EPB41L4B: variants seen among roughly 807,000 people sequenced by gnomAD.
EPB41L4B encodes band 4.1-like protein 4B.
In EPB41L4B, 30 loss-of-function variants were observed where a neutral mutation model predicts 112.5. The ratio of observed to expected loss-of-function variants is 0.27; its 90% CI spans 0.20 to 0.36. The LOEUF (loss-of-function observed/expected upper bound fraction) is 0.36, where lower values mean the gene tolerates loss of function less well. Among genes scored for constraint, EPB41L4B ranks in the 10% least tolerant of loss-of-function variants. The pLI, the probability that EPB41L4B is intolerant of heterozygous loss-of-function variation, is 1.00. For synonymous variants in EPB41L4B, 408 were observed against 439.7 expected, an observed-to-expected ratio of 0.93 and a Z score of 0.90; for missense variants, 1,024 against 1,133.3, an observed-to-expected ratio of 0.90 and a Z score of 1.38.
intron 2 of EPB41L4B, among the ~76,000 whole-genome samples, chr9:109,269,655 G>A (rs758165423): frequency 6.8e-4 from 104 of 152,244 alleles, no homozygotes; most frequent in African/African-American, 2.5e-3. Context: ...GGCAAGTAGG[G>A]ACTGTTCCCA....
chr9:109,177,688 TG>T (rs1316235344), intron 24 of EPB41L4B, among the ~76,000 whole-genome samples: 1 of 151,928 alleles, frequency 6.6e-6, no homozygotes, highest in Non-Finnish European at 1.5e-5. Context: ...CCGGGCACGC[TG>T]GCGCACGCCT....
chr9:109,204,001 T>C (rs147895376), intron 18 of EPB41L4B, among the ~76,000 whole-genome samples: 128 of 152,358 alleles, frequency 8.4e-4, no homozygotes, highest in Non-Finnish European at 1.4e-3. Context: ...TGCCAGCTCA[T>C]GCTTGAATTA....
At chr9:109,282,491 T>G (rs1013540931) in intron 1 of EPB41L4B, among the ~76,000 whole-genome samples, 1 of 152,150 alleles carries the variant, frequency 6.6e-6, no homozygotes, top group African/African-American at 2.4e-5. Flanking sequence ...ATAACAGAAC[T>G]GCAATATCAT....
At chr9:109,247,873 A>G in intron 13 of EPB41L4B, 84 bp from the exon 14 acceptor site, 1 of 1,127,980 alleles carries the variant, frequency 8.9e-7, no homozygotes, top group Non-Finnish European at 1.2e-6. Flanking sequence ...TTTAACAATC[A>G]TGAACTATTC....
In EPB41L4B at chr9:109,256,189, G is replaced by A; in HGVS notation, c.876C>T (p.Thr292=). Residue 292 remains threonine (T), a synonymous_variant, in exon 9 of 26, where the codon ACC becomes ACT. Coordinates refer to ENST00000374566, the MANE Select transcript of EPB41L4B (RefSeq NM_019114.5). The part of the protein sequence containing the change: ...RDGCEYSLGL[T]PTGILIFEGA... Reference sequence around the variant, plus strand: ...CTTCAAAGATTAATATGCCTGTCGGGGTCAGTCCAAGAGAATATTCACAGC... The same window carrying A: ...CTTCAAAGATTAATATGCCTGTCGGAGTCAGTCCAAGAGAATATTCACAGC... The A allele has an allele frequency of 6.2e-7, 1 of 1,614,100 alleles. No individual in the cohort carries two copies. Among genetic ancestry groups the A allele is most frequent in the East Asian group, 2.2e-5 (1 of 44,880 alleles).
At chr9:109,180,412 G>A (rs1156700001) in intron 24 of EPB41L4B, among the ~76,000 whole-genome samples, 4 of 152,216 alleles carry the variant, frequency 2.6e-5, no homozygotes, top group African/African-American at 9.6e-5. Flanking sequence ...TTCCAGCTGG[G>A]GAGCTGTGTC....
Position 109,255,481 on chromosome 9 carries a change from G to A in EPB41L4B, c.1169+30C>T, listed in dbSNP as rs76418746. The A allele has an allele frequency of 6.5e-3, 10,504 of 1,607,528 alleles. 293 individuals carry two copies. The African/African-American group carries it at 0.07, about 11-fold the overall frequency. Reference sequence around the variant, plus strand: ...TCACAGTTGCCCTCCTTCAGAAGACGTGATCCGTGTTGCAGAAATGGCTCC... The same window carrying A: ...TCACAGTTGCCCTCCTTCAGAAGACATGATCCGTGTTGCAGAAATGGCTCC... On this transcript the variant is annotated intron_variant, in intron 11 of 25. Transcript: ENST00000374566.
In EPB41L4B at chr9:109,176,402, G is replaced by T. The variant is rs1012967596; in HGVS notation, c.2633+149C>A. The T allele has an allele frequency of 2.2e-5, 20 of 902,058 alleles. No homozygotes were observed. The African/African-American group carries it at 2.8e-4, about 12-fold the overall frequency. The allele number at this position is 902,058 out of a possible 1,614,324, so 55.9% of individuals were successfully genotyped here. A position where few individuals can be genotyped will look rare whatever the true frequency, so the allele number is the denominator to read the frequency against. ...TTACAGATGAGAGCCACCGCACCTG[G>T]CCCCTTTATAGACATTTCAATAAAT... On this transcript the variant is annotated intron_variant, in intron 25 of 25. Coordinates refer to ENST00000374566, the MANE Select transcript of EPB41L4B (RefSeq NM_019114.5).
chr9:109,249,588 G>A (rs1044074264), intron 13 of EPB41L4B, among the ~76,000 whole-genome samples: 1 of 151,558 alleles, frequency 6.6e-6, no homozygotes, highest in Non-Finnish European at 1.5e-5. Flanking sequence ...ATTTTATTAG[G>A]GAGAAACAAG....
chr9:109,268,443 A>G lies in EPB41L4B; in HGVS notation c.412-10T>C. The G allele has an allele frequency of 1.3e-5, 21 of 1,606,270 alleles. No homozygotes were observed. The highest frequency in any genetic ancestry group is 1.8e-5 in the Non-Finnish European group (21 of 1,178,360). On this transcript the variant is annotated splice_polypyrimidine_tract_variant and intron_variant, in intron 2 of 25. Coordinates refer to ENST00000374566, the MANE Select transcript of EPB41L4B (RefSeq NM_019114.5). ...CATGATCCAGCCAGTGCTGAAAGAA[A>G]GAAAAAAAGTTTCTTTAGGAATAGT...
intron 15 of EPB41L4B, chr9:109,239,981 A>G: frequency 1.0e-6 from 1 of 985,444 alleles, no homozygotes; most frequent in Non-Finnish European, 1.2e-6. Flanking sequence ...TGTGCCTATA[A>G]GATCCACTCT....
chr9:109,242,970 C>T (rs749303186), intron 15 of EPB41L4B, among the ~76,000 whole-genome samples: 1 of 151,802 alleles, frequency 6.6e-6, no homozygotes, highest in East Asian at 1.9e-4. Context: ...TGGCAGCCCT[C>T]GGCCCAATCC....
chr9:109,190,880 C>T (rs766761642), intron 22 of EPB41L4B, among the ~76,000 whole-genome samples: 3 of 152,182 alleles, frequency 2.0e-5, no homozygotes, highest in Non-Finnish European at 2.9e-5. Flanking sequence ...AAGTCAGGCA[C>T]GGGGGTCACC....
At chr9:109,283,657 T>C (rs911903868) in intron 1 of EPB41L4B, among the ~76,000 whole-genome samples, 1 of 152,228 alleles carries the variant, frequency 6.6e-6, no homozygotes, top group African/African-American at 2.4e-5. Flanking sequence ...CAAGCTGTGA[T>C]TGCAACTAAA....
Position 109,223,165 on chromosome 9 carries a change from C to T in EPB41L4B, c.1410-6020G>A, listed in dbSNP as rs142530263. Among the ~76,000 whole-genome samples the T allele has an allele frequency of 1.6e-3, 243 of 152,212 alleles. 1 individual carries two copies. The highest frequency in any genetic ancestry group is 5.5e-3 in the African/African-American group (228 of 41,536). On this transcript the variant is annotated intron_variant, in intron 15 of 25. Coordinates refer to ENST00000374566, the MANE Select transcript of EPB41L4B (RefSeq NM_019114.5). ...CAAAATTGTTGCATGCTAGGCCGGG[C>T]GCAATGGTTCACACCTGTACTTCCA...
At chr9:109,184,122 C>G (rs1271979754) in intron 23 of EPB41L4B, among the ~76,000 whole-genome samples, 2 of 152,186 alleles carry the variant, frequency 1.3e-5, no homozygotes, top group African/African-American at 2.4e-5. Context: ...CCTCTTGTTG[C>G]CTATTGAGTC....
intron 22 of EPB41L4B, among the ~76,000 whole-genome samples, chr9:109,188,313 A>G (rs1264079496): frequency 6.6e-6 from 1 of 152,192 alleles, no homozygotes; most frequent in African/African-American, 2.4e-5. Context: ...GCTGGGAAGC[A>G]GGGACTGAAG....
chr9:109,318,272 T>A (rs1837709961), intron 1 of EPB41L4B, among the ~76,000 whole-genome samples: 1 of 152,084 alleles, frequency 6.6e-6, no homozygotes, highest in Non-Finnish European at 1.5e-5. Context: ...GACAGGGGAA[T>A]TCTTTTGTCA....
intron 1 of EPB41L4B, among the ~76,000 whole-genome samples, chr9:109,319,111 C>A (rs989369761): frequency 6.6e-6 from 1 of 152,216 alleles, no homozygotes; most frequent in Non-Finnish European, 1.5e-5. Flanking sequence ...CTCAGTCACA[C>A]CCAGAAATTC....
Sources: gnomAD v4.1 joint callset for allele counts (sites outside exome capture counted in the v4.1 genomes callset) on GRCh38, gnomAD v4.1.1 for gene constraint, MANE v1.5 for transcripts, NCBI Gene and HGNC (gene_info 2026-07-23, HGNC 2026-07-21) for gene names.